GUCD1: variants seen among roughly 807,000 people sequenced by gnomAD.
The protein encoded by GUCD1 is guanylyl cyclase domain containing 1, also known as protein GUCD1.
GUCD1 carries 17 observed loss-of-function variants against 28.3 expected under a neutral mutation model. The observed-to-expected ratio is 0.60, with a 90% CI of 0.41 to 0.90. The LOEUF (loss-of-function observed/expected upper bound fraction) is 0.90. Among genes scored for constraint, GUCD1 ranks in the 40% least tolerant of loss-of-function variants. The pLI, the probability that GUCD1 is intolerant of heterozygous loss-of-function variation, is 0.00. For missense variants in GUCD1, 279 were observed against 305.5 expected, an observed-to-expected ratio of 0.91 and a Z score of 0.65; for synonymous variants, 129 against 123.3, an observed-to-expected ratio of 1.05 and a Z score of -0.30.
intron 1 of GUCD1, among the ~76,000 whole-genome samples, chr22:24,552,599 C>T (rs558209758): frequency 1.3e-5 from 2 of 152,116 alleles, no homozygotes; most frequent in Admixed American, 6.5e-5. Flanking sequence ...TGGTGAAACC[C>T]TGTCTCTACT....
upstream of GUCD1, chr22:24,555,161 A>C (rs2147109387): frequency 3.8e-6 from 5 of 1,306,198 alleles, no homozygotes; most frequent in South Asian, 9.1e-5. Flanking sequence ...GCGCCGCCCC[A>C]GCCCTTCCAG....
chr22:24,543,896 C>T lies in GUCD1; in HGVS notation c.574G>A (p.Gly192Ser), dbSNP rs749080027. The T allele has an allele frequency of 6.2e-7, 1 of 1,614,082 alleles. No homozygotes were observed. The highest frequency in any genetic ancestry group is 1.1e-5 in the South Asian group (1 of 91,080). ...DYQGHFIVLR[G>S]YNRATGCIFY... ...ATGCAGCCAGTGGCCCGGTTGTAGC[C>T]ACGCAGCACGATGAAGTGGCCCTGG... The change falls in exon 5 of 6, where the codon GGC (glycine) becomes AGC (serine). Residue 192 changes from glycine to serine, a missense_variant. Gly to Ser is a moderately conservative substitution (Grantham distance 56). Coordinates refer to ENST00000435822, the MANE Select transcript of GUCD1 (RefSeq NM_001284254.2).
In GUCD1 at chr22:24,555,102, G is replaced by A; in HGVS notation, c.-111C>T. The A allele has an allele frequency of 2.3e-5, 30 of 1,308,282 alleles. No individual in the cohort carries two copies. Among genetic ancestry groups the A allele is most frequent in the South Asian group, 1.1e-4 (5 of 44,742 alleles). The allele number at this position is 1,308,282 out of a possible 1,614,324, so 81.0% of individuals were successfully genotyped here. On this transcript the variant is annotated 5_prime_UTR_variant, in exon 1 of 6. Transcript: ENST00000435822. ...CGTGTCGAGTTCCTTCTCCGCCACC[G>A]CCGCCGCTGCGGAGGAGAGAACGGG...
chr22:24,544,121 C>G (rs1278896485), intron 4 of GUCD1, 38 bp from the exon 5 acceptor site: 14 of 1,591,338 alleles, frequency 8.8e-6, no homozygotes, highest in Non-Finnish European at 1.1e-5. Context: ...GCTGCTGGGC[C>G]CCCATTCCCC....
upstream of GUCD1, chr22:24,555,345 C>A (rs2045026333): frequency 1.5e-6 from 2 of 1,376,584 alleles, no homozygotes; most frequent in Admixed American, 3.1e-5. Flanking sequence ...GACGCGGGCC[C>A]CGGAAGCCCC....
chr22:24,554,048 C>T (rs1281726839), intron 1 of GUCD1, among the ~76,000 whole-genome samples: 1 of 152,256 alleles, frequency 6.6e-6, no homozygotes, highest in Admixed American at 6.5e-5. Context: ...CTTAACCCAT[C>T]TCAGACTCAG....
upstream of GUCD1, chr22:24,555,498 G>C (rs2045035137): frequency 1.5e-5 from 19 of 1,263,382 alleles, no homozygotes; most frequent in Admixed American, 4.0e-4. Flanking sequence ...CATCCCCGAG[G>C]CCCCAAGCAA....
chr22:24,555,643 T>C (rs1038720777), upstream of GUCD1: 37 of 1,550,524 alleles, frequency 2.4e-5, no homozygotes, highest in Non-Finnish European at 2.9e-5. Context: ...ACAAATGAAA[T>C]TGTGACGGGA....
chr22:24,544,790 T>G (rs2044683280), intron 4 of GUCD1, among the ~76,000 whole-genome samples: 1 of 152,082 alleles, frequency 6.6e-6, no homozygotes, highest in Non-Finnish European at 1.5e-5. Flanking sequence ...AGCGGAAGGA[T>G]CGCTTGAGAC....
intron 4 of GUCD1, 51 bp from the exon 5 acceptor site, chr22:24,544,134 C>T (rs779198641): frequency 1.9e-6 from 3 of 1,581,796 alleles, no homozygotes; most frequent in African/African-American, 2.7e-5. Flanking sequence ...CATTCCCCAT[C>T]CCTCAAATGG....
chr22:24,548,931 G>A lies in GUCD1; in HGVS notation c.114C>T (p.Ser38=), dbSNP rs780346021. Residue 38 remains serine, a synonymous_variant, in exon 2 of 6, where the codon TCC becomes TCT. Transcript: ENST00000435822. ...LYHWDCGLAC[S]RMVLRYLGQL... ...GCCCCACTCACCGCAGCACCATCCT[G>A]GAGCAGGCCAGGCCACAGTCCCAGT... The A allele has an allele frequency of 1.3e-6, 2 of 1,580,960 alleles. No individual in the cohort carries two copies. The highest frequency in any genetic ancestry group is 1.8e-5 in the Admixed American group (1 of 54,466).
chr22:24,549,023 T>G (rs1601546022), intron 1 of GUCD1, 22 bp from the exon 2 acceptor site: 76 of 1,293,674 alleles, frequency 5.9e-5, no homozygotes, highest in Non-Finnish European at 7.7e-5. Flanking sequence ...CAGAGGGAGG[T>G]CACAGACCCT....
At position 24,543,980 on chromosome 22, in the gene GUCD1, C is replaced by G; in HGVS notation, c.490G>C (p.Val164Leu). ...VLHCDLCSSP[V>L]KYCCFTPSGH... is the part of the protein sequence containing the mutation. The stretch of plus-strand genomic sequence containing the variant: ...CTGGGGGTGAAGCAGCAGTACTTGA[C>G]AGGGCTGGAGCACAGGTCACAGTGC... Residue 164 changes from valine (V) to leucine (L), a missense_variant, in exon 5 of 6, where the codon GTC becomes CTC. Transcript: ENST00000435822. The G allele has an allele frequency of 6.2e-7, 1 of 1,614,034 alleles. No homozygotes were observed. The highest frequency in any genetic ancestry group is 8.5e-7 in the Non-Finnish European group (1 of 1,179,980).
At chr22:24,555,567 T>A (rs1601560118), upstream of GUCD1, 11 of 1,541,954 alleles carry the variant, frequency 7.1e-6, no homozygotes, top group East Asian at 2.7e-4. Context: ...ACTCTATACC[T>A]AACTTTATCC....
upstream of GUCD1, chr22:24,555,397 T>G (rs1207463499): frequency 1.1e-5 from 13 of 1,215,422 alleles, no homozygotes; most frequent in Non-Finnish European, 1.4e-5. Flanking sequence ...GTGCATTTCC[T>G]GAATAGAGGC....
Position 24,546,917 on chromosome 22 carries a change from T to C in GUCD1, c.383A>G (p.Lys128Arg), listed in dbSNP as rs992190854. 7 of 1,613,658 alleles carry C rather than the reference T, an allele frequency of 4.3e-6. No homozygotes were observed. The African/African-American group carries it at 9.3e-5, about 22-fold the overall frequency. ...GTAGGAAAGTTGGGGGGCTCACCATTTCTCCACCAGCACCTTGCAGGCCTT... is the reference window on the plus strand; with the variant it reads ...GTAGGAAAGTTGGGGGGCTCACCATCTCTCCACCAGCACCTTGCAGGCCTT... Reference protein sequence around the residue: ...QAKACKVLVEKCTVSVKDIQA... With the variant: ...QAKACKVLVERCTVSVKDIQA... The change falls in exon 4 of 6, where the codon AAA (lysine) becomes AGA (arginine). Residue 128 changes from lysine (K) to arginine (R), a missense_variant. Physicochemically the swap from Lys to Arg is conservative, Grantham distance 26. Coordinates refer to ENST00000435822, the MANE Select transcript of GUCD1 (RefSeq NM_001284254.2).
upstream of GUCD1, chr22:24,555,843 G>A (rs2045049320): frequency 6.5e-7 from 1 of 1,541,774 alleles, no homozygotes; most frequent in South Asian, 1.2e-5. Flanking sequence ...CTTTTCCGGT[G>A]CCGGAACTAT....
upstream of GUCD1, chr22:24,555,543 C>A: frequency 6.7e-7 from 1 of 1,489,648 alleles, no homozygotes; most frequent in Non-Finnish European, 9.1e-7. Context: ...TAACCCTGAG[C>A]GGGCAGCCGC....
At chr22:24,555,143 C>T (rs1183352601), upstream of GUCD1, 2 of 1,303,700 alleles carry the variant, frequency 1.5e-6, no homozygotes, top group South Asian at 2.3e-5. Context: ...GCGGCTGGGC[C>T]GCCCCAAGCG....
Sources: gnomAD v4.1 joint callset for allele counts (sites outside exome capture counted in the v4.1 genomes callset) on GRCh38, gnomAD v4.1.1 for gene constraint, MANE v1.5 for transcripts, NCBI Gene and HGNC (gene_info 2026-07-23, HGNC 2026-07-21) for gene names.